Variants in PSMD6 observed in about 807,000 individuals in gnomAD.
The protein encoded by PSMD6 is proteasome 26S subunit, non-ATPase 6, also known as 26S proteasome non-ATPase regulatory subunit 6.
In PSMD6, 7 loss-of-function variants were observed where a neutral mutation model predicts 44.9. The observed-to-expected ratio is 0.16, with a 90% CI of 0.09 to 0.29. PSMD6 has a LOEUF of 0.29. Among genes scored for constraint, PSMD6 ranks in the 10% least tolerant of loss-of-function variants. The pLI is 1.00. For missense variants in PSMD6, 420 were observed against 482.6 expected, an observed-to-expected ratio of 0.87 and a Z score of 1.21; for synonymous variants, 184 against 172.7, an observed-to-expected ratio of 1.07 and a Z score of -0.51.
intron 1 of PSMD6, 53 bp downstream of exon 1, chr3:64,023,222 C>G: frequency 6.7e-7 from 1 of 1,494,454 alleles, no homozygotes; most frequent in Non-Finnish European, 8.9e-7. Context: ...GGCTCCGGAA[C>G]GCGGGGACGG....
chr3:64,022,493 T>C lies in PSMD6; in HGVS notation c.176A>G (p.Lys59Arg), dbSNP rs369805299. The C allele has an allele frequency of 1.3e-5, 21 of 1,613,934 alleles. No individual in the cohort carries two copies. Among genetic ancestry groups the C allele is most frequent in the South Asian group, 2.2e-5 (2 of 91,082 alleles). ...NMAPYYEALC[K>R]SLDWQIDVDL... ...CACGTCTATCTGCCAGTCGAGGGAT[T>C]TGCACAAGGCTTCATAGTAAGGAGC... Residue 59 changes from lysine to arginine, a missense_variant, in exon 2 of 8, where the codon AAA (lysine) becomes AGA (arginine). Transcript: ENST00000295901.
intron 2 of PSMD6, among the ~76,000 whole-genome samples, chr3:64,020,480 T>C (rs2076111983): frequency 6.6e-6 from 1 of 152,156 alleles, no homozygotes; most frequent in Admixed American, 6.5e-5. Flanking sequence ...GAATCAAAAG[T>C]TTCAAGTTTC....
chr3:64,016,069 C>A (rs924235180), intron 5 of PSMD6: 4 of 151,968 alleles, frequency 2.6e-5, no homozygotes, highest in African/African-American at 9.7e-5. Flanking sequence ...CGCCTGTAAT[C>A]CCAGCTGCTC....
chr3:64,021,784 C>A (rs1440764459), intron 2 of PSMD6, among the ~76,000 whole-genome samples: 1 of 150,508 alleles, frequency 6.6e-6, no homozygotes, highest in South Asian at 2.1e-4. Context: ...GTACTCCAGC[C>A]TGGGTGGCAA....
chr3:64,023,168 C>T (rs1319986713), intron 1 of PSMD6, 107 bp downstream of exon 1: 1 of 1,430,252 alleles, frequency 7.0e-7, no homozygotes, highest in Non-Finnish European at 9.1e-7. Flanking sequence ...GTCTCTGAGA[C>T]CCCGTCAGAG....
chr3:64,015,932 T>C (rs2076036165), intron 5 of PSMD6: 1 of 152,182 alleles, frequency 6.6e-6, no homozygotes, highest in African/African-American at 2.4e-5. Context: ...CTCACGTCTA[T>C]AATCCTGCAC....
chr3:64,019,495 A>G, intron 2 of PSMD6, 54 bp from the exon 3 acceptor site: 3 of 1,549,716 alleles, frequency 1.9e-6, no homozygotes, highest in Non-Finnish European at 2.6e-6. Context: ...TTCCAAAAAA[A>G]GCTATCAGCT....
intron 5 of PSMD6, chr3:64,017,144 G>A (rs986512763): frequency 1.3e-5 from 2 of 152,344 alleles, no homozygotes; most frequent in South Asian, 2.1e-4. Flanking sequence ...GCCAGGGGCT[G>A]GGGGAAAGGA....
chr3:64,014,262 T>C (rs2076009690), intron 5 of PSMD6: 1 of 152,186 alleles, frequency 6.6e-6, no homozygotes, highest in Admixed American at 6.5e-5. Context: ...ATAAATTATT[T>C]TACTGAATAA....
chr3:64,023,644 T>A (rs1383849792), upstream of PSMD6: 2 of 1,437,532 alleles, frequency 1.4e-6, no homozygotes, highest in African/African-American at 2.9e-5. Context: ...CAAGGCCCCC[T>A]GCGGAGTCCC....
intron 1 of PSMD6, chr3:64,022,796 A>G (rs760562285): frequency 3.3e-6 from 5 of 1,536,192 alleles, no homozygotes; most frequent in African/African-American, 1.4e-5. Context: ...ATTCTGTTCC[A>G]AAAGTCTTCA....
rs371530407 is a variant in PSMD6 at position 64,018,951 on chromosome 3, T to C, written c.584A>G (p.Lys195Arg). The change falls in exon 4 of 8, where the codon AAA (lysine) becomes AGA (arginine). Residue 195 changes from lysine to arginine, a missense_variant. Lys to Arg is a conservative substitution (Grantham distance 26, BLOSUM62 2). Transcript: ENST00000295901. ...GTCAAGGAAGAGTTCAGCTGCCTGT[T>C]TGAAATCACGAATAGCCACACAATA... is the stretch of plus-strand genomic sequence containing the variant. ...GLYCVAIRDF[K>R]QAAELFLDTV... The C allele has an allele frequency of 3.4e-5, 54 of 1,611,528 alleles. No homozygotes were observed. The highest frequency in any genetic ancestry group is 2.7e-4 in the East Asian group (12 of 44,844).
intron 6 of PSMD6, chr3:64,011,379 A>AC (rs1180388260): frequency 1.3e-5 from 2 of 148,954 alleles, no homozygotes; most frequent in African/African-American, 2.6e-5. Flanking sequence ...TAAAACAACG[A>AC]CCCTTTCCCT....
chr3:64,022,300 A>G lies in PSMD6; in HGVS notation c.351+18T>C. 6.2e-7 allele frequency: 1 copy of G among 1,612,772 alleles called. No individual in the cohort carries two copies. The highest frequency in any genetic ancestry group is 8.5e-7 in the Non-Finnish European group (1 of 1,178,842). ...TAGCCTATACTAACTACAGAGAGGG[A>G]AAACCATCTCTACTCACTTTGTCAC... On this transcript the variant is annotated intron_variant, in intron 2 of 7. Coordinates refer to ENST00000295901, the MANE Select transcript of PSMD6 (RefSeq NM_014814.3).
chr3:64,023,902 G>C (rs1320947063), upstream of PSMD6: 4 of 1,350,646 alleles, frequency 3.0e-6, no homozygotes, highest in East Asian at 7.7e-5. Flanking sequence ...AGACAAATGA[G>C]GCACAAAGAG....
chr3:64,022,955 C>A, intron 1 of PSMD6: 1 of 1,426,410 alleles, frequency 7.0e-7, no homozygotes, highest in South Asian at 1.4e-5. Context: ...CGCCCGGGAG[C>A]AGTCCCCACT....
chr3:64,013,427 A>G lies in PSMD6; in HGVS notation c.995+12T>C, dbSNP rs756634051. The G allele has an allele frequency of 1.9e-6, 3 of 1,547,300 alleles. No individual in the cohort carries two copies. The highest frequency in any genetic ancestry group is 1.2e-5 in the South Asian group (1 of 81,954). On this transcript the variant is annotated intron_variant, in intron 6 of 7. Transcript: ENST00000295901. ...TTAAAACTTCAATTAACATGGCATT[A>G]TTCAAACTTACTGATCAATGAATTC...
At chr3:64,022,893 A>C in intron 1 of PSMD6, 1 of 1,493,938 alleles carries the variant, frequency 6.7e-7, no homozygotes, top group South Asian at 1.3e-5. Flanking sequence ...AAAGAACCGA[A>C]CCCAAATTTC....
At chr3:64,022,230 T>TA in intron 2 of PSMD6, 88 bp downstream of exon 2, 1 of 1,425,920 alleles carries the variant, frequency 7.0e-7, no homozygotes, top group East Asian at 2.3e-5. Context: ...AAAACGAAGT[T>TA]AATTTTTTTA....
Sources: allele counts gnomAD v4.1 joint callset (sites outside exome capture counted in the v4.1 genomes callset), GRCh38; gene constraint gnomAD v4.1.1; transcripts MANE v1.5; gene names NCBI Gene and HGNC (gene_info 2026-07-23, HGNC 2026-07-21).